Variants in FAM120B observed in about 807,000 individuals in gnomAD.
The protein encoded by FAM120B is family with sequence similarity 120 member B, also known as constitutive coactivator of peroxisome proliferator-activated receptor gamma.
In FAM120B, 83 loss-of-function variants were observed where a neutral mutation model predicts 96.3. That is an observed-to-expected ratio of 0.86 (90% CI 0.72 to 1.03). FAM120B has a LOEUF of 1.03. Ranked by LOEUF, FAM120B falls within the 50% of genes least tolerant of loss-of-function variation. The pLI, the probability that FAM120B is intolerant of heterozygous loss-of-function variation, is 0.00. For missense variants in FAM120B, 1,027 were observed against 1,121.2 expected (o/e 0.92, Z 1.20); for synonymous variants, 407 against 402.7 (o/e 1.01, Z -0.13).
chr6:170,341,308 C>T (rs1022286999), intron 4 of FAM120B, among the ~76,000 whole-genome samples: 2 of 152,180 alleles, frequency 1.3e-5, no homozygotes, highest in Non-Finnish European at 2.9e-5. Context: ...TTGGGAAAAC[C>T]GCCTACCAAT....
At chr6:170,310,433 C>G (rs1784527132) in intron 1 of FAM120B, among the ~76,000 whole-genome samples, 1 of 152,224 alleles carries the variant, frequency 6.6e-6, no homozygotes, top group Non-Finnish European at 1.5e-5. Context: ...CCACTGGCAG[C>G]ACACAGCAAT....
upstream of FAM120B, among the ~76,000 whole-genome samples, chr6:170,293,027 G>A (rs1783920536): frequency 2.0e-5 from 3 of 152,136 alleles, no homozygotes; most frequent in South Asian, 6.2e-4. Flanking sequence ...GGGACTTGCT[G>A]TCGCCACAGG....
In FAM120B at chr6:170,364,818, G is replaced by A. The variant is rs866846937; in HGVS notation, c.2283+6500G>A. Among the ~76,000 whole-genome samples, 5 of 152,324 alleles carry A rather than the reference G, an allele frequency of 3.3e-5. 1 individual carries two copies. Among genetic ancestry groups the A allele is most frequent in the South Asian group, 4.1e-4 (2 of 4,830 alleles). On this transcript the variant is annotated intron_variant, in intron 6 of 10. Coordinates refer to ENST00000476287, the MANE Select transcript of FAM120B (RefSeq NM_032448.3). ...AGATCATCCTCTTCAGATAACTGTG[G>A]TGGCGTTTTCATTTCTCACCCCTCT...
At chr6:170,400,925 G>A (rs1279921565) in intron 9 of FAM120B, among the ~76,000 whole-genome samples, 2 of 152,096 alleles carry the variant, frequency 1.3e-5, no homozygotes, top group Admixed American at 6.5e-5. Flanking sequence ...ATGCACATTG[G>A]CTTCTTTCTT....
rs796990475 is a variant in FAM120B at position 170,370,304 on chromosome 6, C to T, written c.2283+11986C>T. ...CCATGCAGACCTTTCTTTTCTGAGA[C>T]GCAGCTACGTCCCCGAGCTCTTTGT... is the stretch of plus-strand genomic sequence containing the variant. On this transcript the variant is annotated intron_variant, in intron 6 of 10. Transcript: ENST00000476287. The surrounding 1 kb of genome is among the most constrained non-coding windows in gnomAD (Gnocchi z 4.3). Among the ~76,000 whole-genome samples, 38 of 152,326 alleles carry T rather than the reference C, an allele frequency of 2.5e-4. No homozygotes were observed. The highest frequency in any genetic ancestry group is 5.3e-4 in the African/African-American group (22 of 41,566).
chr6:170,295,804 T>A lies in FAM120B; in HGVS notation c.48+351T>A, dbSNP rs528307971. On this transcript the variant is annotated intron_variant, in intron 1 of 10. Coordinates refer to the FAM120B transcript ENST00000537664. This position sits in a 1 kb window ranked among gnomAD's most constrained non-coding sequence, Gnocchi z 7.8. ...GGGGGTCGTTTTGCGGTGGGGGGAG[T>A]CCGAACCGCGCCACGGGCCCGCGAG... is the stretch of plus-strand genomic sequence containing the variant. Among the ~76,000 whole-genome samples, 2 of 150,436 alleles carry A rather than the reference T, an allele frequency of 1.3e-5. No individual in the cohort carries two copies. Among genetic ancestry groups the A allele is most frequent in the African/African-American group, 4.9e-5 (2 of 40,798 alleles).
At chr6:170,357,051 G>A (rs1315521517) in intron 5 of FAM120B, among the ~76,000 whole-genome samples, 1 of 152,122 alleles carries the variant, frequency 6.6e-6, no homozygotes, top group Admixed American at 6.5e-5. Context: ...CTGATTTATG[G>A]TGGGGTTGTT....
chr6:170,310,137 G>C (rs1784502676), intron 1 of FAM120B, among the ~76,000 whole-genome samples: 1 of 152,186 alleles, frequency 6.6e-6, no homozygotes, highest in Admixed American at 6.5e-5. Flanking sequence ...TGTTAGAACT[G>C]ATTAGAAAGG....
At chr6:170,341,657 T>C (rs1204709798) in intron 4 of FAM120B, among the ~76,000 whole-genome samples, 3 of 152,152 alleles carry the variant, frequency 2.0e-5, no homozygotes, top group Non-Finnish European at 4.4e-5. Context: ...GATCTGCGGA[T>C]TGCAAAAACT....
At chr6:170,353,575 G>C (rs535793320) in intron 5 of FAM120B, among the ~76,000 whole-genome samples, 4 of 151,954 alleles carry the variant, frequency 2.6e-5, no homozygotes, top group Non-Finnish European at 5.9e-5. Flanking sequence ...CTTTATCCGT[G>C]GGAACTAACT....
At chr6:170,369,366 A>G (rs1431161196) in intron 6 of FAM120B, among the ~76,000 whole-genome samples, 1 of 152,184 alleles carries the variant, frequency 6.6e-6, no homozygotes, top group Non-Finnish European at 1.5e-5. Context: ...TGCCTCCTGG[A>G]CTTGGCAGCA....
chr6:170,391,326 G>T lies in FAM120B; in HGVS notation c.2599+205G>T, dbSNP rs141865014. ...GAGGCAGGCAGATCACTTGAGGTCA[G>T]GAATTCAAGACCAGCCTGGCCCACA... On this transcript the variant is annotated intron_variant, in intron 8 of 10. Coordinates refer to ENST00000476287, the MANE Select transcript of FAM120B (RefSeq NM_032448.3). 537 of 510,144 alleles carry T rather than the reference G, an allele frequency of 1.1e-3. 3 individuals carry two copies. Among genetic ancestry groups the T allele is most frequent in the African/African-American group, 7.2e-3 (375 of 51,730 alleles). The allele number at this position is 510,144 out of a possible 1,614,324, so 31.6% of individuals were successfully genotyped here.
intron 6 of FAM120B, among the ~76,000 whole-genome samples, chr6:170,374,603 C>G (rs1027919110): frequency 6.6e-6 from 1 of 152,200 alleles, no homozygotes; most frequent in African/African-American, 2.4e-5. Flanking sequence ...ACCCTGACTT[C>G]TAAGAATGAA....
chr6:170,361,239 C>CATATATAT (rs1562567285), intron 6 of FAM120B, among the ~76,000 whole-genome samples: 5 of 58,754 alleles, frequency 8.5e-5, no homozygotes, highest in East Asian at 1.7e-3. Context: ...TATATATACA[C>CATATATAT]GTATATATAT....
chr6:170,378,540 CTG>C (rs1789715607), intron 6 of FAM120B, among the ~76,000 whole-genome samples: 1 of 152,254 alleles, frequency 6.6e-6, no homozygotes, highest in Admixed American at 6.5e-5. Context: ...ATGCCAGACT[CTG>C]TGAAGAGAAT....
intron 9 of FAM120B, among the ~76,000 whole-genome samples, chr6:170,400,649 A>T (rs1197418684): frequency 6.6e-6 from 1 of 152,188 alleles, no homozygotes; most frequent in Non-Finnish European, 1.5e-5. Context: ...GATCGTGGCC[A>T]CTTCTTCCAA....
chr6:170,377,266 G>A (rs531447481), intron 6 of FAM120B, among the ~76,000 whole-genome samples: 94 of 109,796 alleles, frequency 8.6e-4, no homozygotes, highest in South Asian at 1.8e-3. Flanking sequence ...GCAGGCTCAC[G>A]CTGCTCGGTG....
At chr6:170,385,893 T>C (rs1325678310) in intron 6 of FAM120B, among the ~76,000 whole-genome samples, 1 of 152,164 alleles carries the variant, frequency 6.6e-6, no homozygotes, top group Non-Finnish European at 1.5e-5. Flanking sequence ...CTGCCTACTG[T>C]CTGATTCCAG....
At chr6:170,299,678 G>A (rs1475019566) in intron 1 of FAM120B, among the ~76,000 whole-genome samples, 1 of 152,206 alleles carries the variant, frequency 6.6e-6, no homozygotes, top group Non-Finnish European at 1.5e-5. Context: ...ATTCCTTCTT[G>A]GATGGAAGCT....
Sources: allele counts gnomAD v4.1 joint callset (sites outside exome capture counted in the v4.1 genomes callset), GRCh38; gene constraint gnomAD v4.1.1; non-coding constraint Gnocchi (gnomAD v3.1); transcripts MANE v1.5; gene names NCBI Gene and HGNC (gene_info 2026-07-23, HGNC 2026-07-21).